FHIT: variants seen among roughly 807,000 people sequenced by gnomAD.
FHIT encodes bis(5'-adenosyl)-triphosphatase.
In FHIT, 19 loss-of-function variants were observed where a neutral mutation model predicts 17.9. That is an observed-to-expected ratio of 1.06 (90% CI 0.74 to 1.56). The LOEUF is 1.56. Among genes scored for constraint, FHIT ranks in the 40% most tolerant of loss-of-function variants. FHIT has a pLI of 0.00. For synonymous variants in FHIT, 81 were observed against 69.7 expected (o/e 1.16, Z -0.81); for missense variants, 248 against 189.2 (o/e 1.31, Z -1.82).
rs1000155902 is a variant in FHIT, at chr3:60,483,030, A to G, written c.103+53830T>C. On this transcript the variant is annotated intron_variant, in intron 5 of 9. Coordinates refer to ENST00000492590, the MANE Select transcript of FHIT (RefSeq NM_002012.4). ...TGACACCACAGAAATACAAACTACC[A>G]TAAGTGAATACTATAAACACCTCTA... 7.2e-5 allele frequency among the ~76,000 whole-genome samples: 11 copies of G among 152,308 alleles called. No individual in the cohort carries two copies. The East Asian group carries it at 2.1e-3, about 29-fold the overall frequency.
intron 5 of FHIT, among the ~76,000 whole-genome samples, chr3:60,347,568 G>C (rs1379698416): frequency 6.8e-6 from 1 of 147,890 alleles, no homozygotes; most frequent in Non-Finnish European, 1.5e-5. Context: ...TGTAGGTACA[G>C]GAAAATGTGT....
intron 3 of FHIT, among the ~76,000 whole-genome samples, chr3:60,854,472 T>C (rs2106927074): frequency 6.6e-6 from 1 of 152,200 alleles, no homozygotes; most frequent in East Asian, 1.9e-4. Flanking sequence ...TTTGTTTTGT[T>C]TTTCATGCAA....
chr3:60,084,818 C>T (rs1703430291), intron 5 of FHIT, among the ~76,000 whole-genome samples: 1 of 152,018 alleles, frequency 6.6e-6, no homozygotes, highest in African/African-American at 2.4e-5. Context: ...ATTTGTAAGT[C>T]TTCCTTGGCT....
rs1206718540 is a variant in FHIT at position 59,952,240 on chromosome 3, AC to A, written c.280-29827del. On this transcript the variant is annotated intron_variant, in intron 7 of 9. Transcript: ENST00000492590. ...CATCCCAAATCTGACATTATGTAAC[AC>A]CTCTTTCCTGAACAACCTGCCGAGT... Among the ~76,000 whole-genome samples, 27 of 152,170 alleles carry A rather than the reference AC, an allele frequency of 1.8e-4. 1 individual carries two copies. The highest frequency in any genetic ancestry group is 5.2e-4 in the Admixed American group (8 of 15,290).
chr3:60,630,785 C>T (rs543811699), intron 4 of FHIT, among the ~76,000 whole-genome samples: 21 of 152,184 alleles, frequency 1.4e-4, no homozygotes, highest in South Asian at 6.2e-4. Flanking sequence ...CCTATCTTGA[C>T]GTCCCTCTGG....
At chr3:59,848,120 C>CTT (rs1701790012) in intron 8 of FHIT, among the ~76,000 whole-genome samples, 1 of 152,054 alleles carries the variant, frequency 6.6e-6, no homozygotes, top group Non-Finnish European at 1.5e-5. Flanking sequence ...TTTTGCCCAC[C>CTT]GTGGCTCCCA....
intron 5 of FHIT, among the ~76,000 whole-genome samples, chr3:60,102,397 G>A (rs1050989356): frequency 1.3e-5 from 2 of 152,186 alleles, no homozygotes; most frequent in Admixed American, 6.5e-5. Flanking sequence ...TGGAAGCAAC[G>A]AGAAATGCAA....
At chr3:61,038,274 A>G (rs2033350096) in intron 3 of FHIT, among the ~76,000 whole-genome samples, 1 of 152,214 alleles carries the variant, frequency 6.6e-6, no homozygotes. Flanking sequence ...TGCCAAAAAC[A>G]TTTACGTTAA....
chr3:60,110,229 A>G (rs768547032), intron 5 of FHIT, among the ~76,000 whole-genome samples: 3 of 152,206 alleles, frequency 2.0e-5, no homozygotes, highest in Non-Finnish European at 4.4e-5. Context: ...GTTAAGCATC[A>G]GGACATTTCA....
At chr3:60,014,368 T>C (rs1381848107) in intron 5 of FHIT, among the ~76,000 whole-genome samples, 2 of 152,234 alleles carry the variant, frequency 1.3e-5, no homozygotes, top group East Asian at 1.9e-4. Context: ...AGCTGTGGTA[T>C]GCAGAAGAAT....
At chr3:60,141,180 T>G (rs932778556) in intron 5 of FHIT, among the ~76,000 whole-genome samples, 1 of 152,038 alleles carries the variant, frequency 6.6e-6, no homozygotes, top group Non-Finnish European at 1.5e-5. Context: ...CTGGACATTC[T>G]TAAGAGAATT....
chr3:60,836,072 A>G (rs1702532357), intron 3 of FHIT, among the ~76,000 whole-genome samples: 1 of 152,180 alleles, frequency 6.6e-6, no homozygotes, highest in Admixed American at 6.5e-5. Flanking sequence ...TGCATTGATT[A>G]GAACTTCCTG....
rs1011665896 is a variant in FHIT, at chr3:60,100,276, C to T, written c.104-86124G>A. Among the ~76,000 whole-genome samples, 14 of 151,958 alleles carry T rather than the reference C, an allele frequency of 9.2e-5. No homozygotes were observed. In the East Asian group the frequency reaches 2.5e-3, roughly 27 times the overall value. On this transcript the variant is annotated intron_variant, in intron 5 of 9. Coordinates refer to ENST00000492590, the MANE Select transcript of FHIT (RefSeq NM_002012.4). ...GTGGACGCCTGTAGTCCCAGCTACTCGGGAGGCTGAGACAAGAGAATCGCT... is the reference window on the plus strand; with the variant it reads ...GTGGACGCCTGTAGTCCCAGCTACTTGGGAGGCTGAGACAAGAGAATCGCT...
intron 5 of FHIT, among the ~76,000 whole-genome samples, chr3:60,201,716 A>T (rs552845389): frequency 1.3e-5 from 2 of 152,238 alleles, no homozygotes; most frequent in African/African-American, 4.8e-5. Flanking sequence ...AACCTATCTC[A>T]TAACTTTTTT....
intron 5 of FHIT, among the ~76,000 whole-genome samples, chr3:60,227,170 C>T (rs943804068): frequency 6.6e-6 from 1 of 152,098 alleles, no homozygotes; most frequent in Non-Finnish European, 1.5e-5. Context: ...CTGTGACCAC[C>T]GGTGATTCAA....
At chr3:61,249,930 A>G (rs2040572579) in intron 1 of FHIT, among the ~76,000 whole-genome samples, 1 of 128,442 alleles carries the variant, frequency 7.8e-6, no homozygotes, top group African/African-American at 2.8e-5. Context: ...TGCAATCAAT[A>G]ACAACACACA....
chr3:59,754,833 G>A (rs1701123245), intron 8 of FHIT, among the ~76,000 whole-genome samples: 1 of 152,182 alleles, frequency 6.6e-6, no homozygotes, highest in Non-Finnish European at 1.5e-5. Context: ...GCTTTTAAAA[G>A]TTATGAGATT....
chr3:60,250,617 T>C (rs542867587), intron 5 of FHIT, among the ~76,000 whole-genome samples: 3 of 152,310 alleles, frequency 2.0e-5, no homozygotes, highest in East Asian at 3.9e-4. Flanking sequence ...CAGTGGCATT[T>C]AAGAGCTCTG....
At chr3:59,753,953 G>A (rs1701060936) in intron 8 of FHIT, among the ~76,000 whole-genome samples, 1 of 152,040 alleles carries the variant, frequency 6.6e-6, no homozygotes, top group African/African-American at 2.4e-5. Flanking sequence ...TCAACTTAAC[G>A]ATTAAAATAT....
Sources: gnomAD v4.1 joint callset for allele counts (sites outside exome capture counted in the v4.1 genomes callset) on GRCh38, gnomAD v4.1.1 for gene constraint, MANE v1.5 for transcripts, NCBI Gene and HGNC (gene_info 2026-07-23, HGNC 2026-07-21) for gene names.